Variants in GALNT17 observed in about 807,000 individuals in gnomAD.
The protein encoded by GALNT17 is polypeptide N-acetylgalactosaminyltransferase 17.
In GALNT17, 29 loss-of-function variants were observed where a neutral mutation model predicts 63.7. The ratio of observed to expected loss-of-function variants is 0.46; its 90% CI spans 0.34 to 0.62. The LOEUF is 0.62. GALNT17 is among the 20% of genes least tolerant of loss of function. The pLI is 0.01. For synonymous variants in GALNT17, 305 were observed against 318.3 expected, an observed-to-expected ratio of 0.96 and a Z score of 0.45; for missense variants, 603 against 799.6, an observed-to-expected ratio of 0.75 and a Z score of 2.97.
chr7:71,436,525 C>T (rs1228551854), intron 5 of GALNT17, among the ~76,000 whole-genome samples: 1 of 151,952 alleles, frequency 6.6e-6, no homozygotes, highest in Non-Finnish European at 1.5e-5. Context: ...TGAGACCATC[C>T]TGGCTAACAT....
At chr7:71,484,200 A>C (rs1787869936) in intron 5 of GALNT17, among the ~76,000 whole-genome samples, 1 of 152,202 alleles carries the variant, frequency 6.6e-6, no homozygotes, top group African/African-American at 2.4e-5. Context: ...CAAGTATTAT[A>C]TACCGGGCCA....
At chr7:71,457,762 T>C (rs1393502575) in intron 5 of GALNT17, among the ~76,000 whole-genome samples, 2 of 152,208 alleles carry the variant, frequency 1.3e-5, no homozygotes, top group Non-Finnish European at 2.9e-5. Context: ...CAACTTGTTT[T>C]TGATCAACAA....
chr7:71,523,547 G>A (rs1584023941), intron 5 of GALNT17, among the ~76,000 whole-genome samples: 1 of 152,156 alleles, frequency 6.6e-6, no homozygotes, highest in East Asian at 1.9e-4. Context: ...TTGAGGCCAG[G>A]AGTTTGAGAT....
chr7:71,360,522 A>G (rs980262297), intron 2 of GALNT17, among the ~76,000 whole-genome samples: 26 of 152,248 alleles, frequency 1.7e-4, no homozygotes, highest in Admixed American at 1.2e-3. Context: ...GGCCTGATCT[A>G]TATATAATTA....
At chr7:71,697,805 A>G (rs1476799600) in intron 9 of GALNT17, among the ~76,000 whole-genome samples, 1 of 151,990 alleles carries the variant, frequency 6.6e-6, no homozygotes, top group Non-Finnish European at 1.5e-5. Context: ...TATTATTTAG[A>G]TTTTTTTTCT....
At chr7:71,436,014 C>T (rs1361536675) in intron 5 of GALNT17, among the ~76,000 whole-genome samples, 1 of 114,790 alleles carries the variant, frequency 8.7e-6, no homozygotes, top group African/African-American at 2.9e-5. Flanking sequence ...AACGAGACTC[C>T]TTCTCAAAAA....
intron 5 of GALNT17, among the ~76,000 whole-genome samples, chr7:71,503,931 T>C (rs1788223263): frequency 6.6e-6 from 1 of 151,678 alleles, no homozygotes. Context: ...CCGTCTCTAC[T>C]AAAAATACAA....
At chr7:71,690,165 C>T (rs982733935) in intron 9 of GALNT17, among the ~76,000 whole-genome samples, 2 of 152,024 alleles carry the variant, frequency 1.3e-5, no homozygotes, top group East Asian at 1.9e-4. Flanking sequence ...GCTGGGACTA[C>T]AGGTGCGCAC....
At chr7:71,518,017 A>G (rs187359200) in intron 5 of GALNT17, among the ~76,000 whole-genome samples, 344 of 152,252 alleles carry the variant, frequency 2.3e-3, no homozygotes, top group Non-Finnish European at 4.0e-3. Context: ...GAGACAGCAT[A>G]TGTCCCTGGT....
At chr7:71,312,454 C>A (rs1010591687) in intron 1 of GALNT17, among the ~76,000 whole-genome samples, 18 of 152,172 alleles carry the variant, frequency 1.2e-4, no homozygotes, top group African/African-American at 4.3e-4. Context: ...AAATTGAGTA[C>A]AATTATCTGT....
At chr7:71,138,687 C>T (rs1158006066) in intron 1 of GALNT17, among the ~76,000 whole-genome samples, 1 of 152,028 alleles carries the variant, frequency 6.6e-6, no homozygotes, top group East Asian at 1.9e-4. Flanking sequence ...GAAAGTGGAC[C>T]TAGTGGTCGG....
At chr7:71,425,702 G>C (rs1346615289) in intron 5 of GALNT17, among the ~76,000 whole-genome samples, 1 of 152,172 alleles carries the variant, frequency 6.6e-6, no homozygotes, top group African/African-American at 2.4e-5. Flanking sequence ...TTGGAGACCT[G>C]TGTTGTTCCC....
At chr7:71,490,920 G>A (rs1385546307) in intron 5 of GALNT17, among the ~76,000 whole-genome samples, 3 of 152,024 alleles carry the variant, frequency 2.0e-5, no homozygotes, top group African/African-American at 4.8e-5. Context: ...ATGACTGGGC[G>A]TGGTGGCTCA....
At chr7:71,583,019 A>G (rs1298589379) in intron 6 of GALNT17, among the ~76,000 whole-genome samples, 1 of 152,216 alleles carries the variant, frequency 6.6e-6, no homozygotes, top group Non-Finnish European at 1.5e-5. Context: ...GAAGCCTATC[A>G]TCTTTTTTTC....
intron 5 of GALNT17, among the ~76,000 whole-genome samples, chr7:71,488,889 C>CAT (rs527583780): frequency 1.8e-5 from 1 of 54,724 alleles, no homozygotes; most frequent in Non-Finnish European, 3.0e-5. Flanking sequence ...GCCAGGTTTC[C>CAT]TTTTTTTTTT....
chr7:71,647,477 C>T (rs1178532840), intron 6 of GALNT17, among the ~76,000 whole-genome samples: 1 of 152,136 alleles, frequency 6.6e-6, no homozygotes, highest in Non-Finnish European at 1.5e-5. Flanking sequence ...GTGTGAGTGA[C>T]AGCTTCTCCT....
intron 1 of GALNT17, among the ~76,000 whole-genome samples, chr7:71,156,700 C>CTCTT (rs1788243475): frequency 7.2e-6 from 1 of 138,428 alleles, no homozygotes; most frequent in African/African-American, 2.7e-5. Context: ...CTCTCTGTCT[C>CTCTT]TCTGTCTCTC....
At chr7:71,697,559 A>G (rs1239256196) in intron 9 of GALNT17, among the ~76,000 whole-genome samples, 2 of 152,154 alleles carry the variant, frequency 1.3e-5, no homozygotes, top group African/African-American at 4.8e-5. Flanking sequence ...AGTTTCAGGC[A>G]GTCGTAAACT....
intron 9 of GALNT17, among the ~76,000 whole-genome samples, chr7:71,703,035 G>C (rs937764984): frequency 1.3e-5 from 2 of 152,168 alleles, no homozygotes; most frequent in African/African-American, 4.8e-5. Context: ...AGAAATTTTT[G>C]GTTTGGAGAT....
Sources: allele counts gnomAD v4.1 joint callset (sites outside exome capture counted in the v4.1 genomes callset), GRCh38; gene constraint gnomAD v4.1.1; transcripts MANE v1.5; gene names NCBI Gene and HGNC (gene_info 2026-07-23, HGNC 2026-07-21).